SIPA1L3: variants seen among roughly 807,000 people sequenced by gnomAD.
The protein encoded by SIPA1L3 is signal induced proliferation associated 1 like 3, also known as signal-induced proliferation-associated 1-like protein 3.
In SIPA1L3, 59 loss-of-function variants were observed where a neutral mutation model predicts 150.1. The ratio of observed to expected loss-of-function variants is 0.39; its 90% confidence interval spans 0.32 to 0.49. The LOEUF (loss-of-function observed/expected upper bound fraction) is 0.49, where lower values mean the gene tolerates loss of function less well. SIPA1L3 is among the 20% of genes least tolerant of loss of function. The pLI, the probability that SIPA1L3 is intolerant of heterozygous loss-of-function variation, is 0.86. For missense variants in SIPA1L3, 2,211 were observed against 2,489.5 expected (o/e 0.89, Z 2.38); for synonymous variants, 1,070 against 1,077.6 (o/e 0.99, Z 0.14).
chr19:37,980,630 G>A (rs1299314861), intron 1 of SIPA1L3, among the ~76,000 whole-genome samples: 2 of 152,066 alleles, frequency 1.3e-5, no homozygotes, highest in African/African-American at 4.8e-5. Flanking sequence ...GAGGGGGCCC[G>A]TCGAGGCATG....
At chr19:38,064,817 T>A (rs148080650) in intron 2 of SIPA1L3, among the ~76,000 whole-genome samples, 3 of 152,238 alleles carry the variant, frequency 2.0e-5, no homozygotes, top group Non-Finnish European at 4.4e-5. Flanking sequence ...GCTGTATTAT[T>A]ATCTCCATTT....
intron 2 of SIPA1L3, among the ~76,000 whole-genome samples, chr19:38,057,535 T>C (rs972388579): frequency 1.3e-5 from 2 of 151,994 alleles, no homozygotes; most frequent in Non-Finnish European, 2.9e-5. Flanking sequence ...TGTTGCTCAT[T>C]GAGGTTGGGT....
chr19:38,181,458 C>G (rs1020578429), intron 15 of SIPA1L3, among the ~76,000 whole-genome samples: 5 of 151,792 alleles, frequency 3.3e-5, no homozygotes, highest in African/African-American at 9.7e-5. Context: ...ATAGCGAGAC[C>G]TTGTCTCTTT....
At position 38,119,679 on chromosome 19, in the gene SIPA1L3, A is replaced by G. The variant is rs759196575; in HGVS notation, c.2665A>G (p.Ile889Val). 12 of 1,614,052 alleles carry G rather than the reference A, an allele frequency of 7.4e-6. No homozygotes were observed. In the African/African-American group the frequency reaches 1.5e-4, roughly 20 times the overall value. The stretch of plus-strand genomic sequence containing the variant: ...CGCCCAGGGGGTGGAAATCGACTGC[A>G]TTTTGGGAATTTCCAATGAGTTTGT... ...DYAQGVEIDC[I>V]LGISNEFVVL... Residue 889 changes from isoleucine (I) to valine (V), a missense_variant, in exon 9 of 22, where the codon ATT becomes GTT. Physicochemically the swap from Ile to Val is conservative, Grantham distance 29 (BLOSUM62 3). This residue lies in a region of SIPA1L3 where 625 missense variants were observed against 804.2 expected (regional missense o/e 0.78). Coordinates refer to ENST00000222345, the MANE Select transcript of SIPA1L3 (RefSeq NM_015073.3).
intron 1 of SIPA1L3, among the ~76,000 whole-genome samples, chr19:38,011,669 G>A (rs1968101953): frequency 1.3e-5 from 2 of 152,188 alleles, no homozygotes; most frequent in African/African-American, 4.8e-5. Context: ...TGTGGCGGGA[G>A]CATTTGGGTG....
intron 13 of SIPA1L3, among the ~76,000 whole-genome samples, chr19:38,161,520 C>A (rs1464397735): frequency 6.6e-6 from 1 of 151,674 alleles, no homozygotes; most frequent in Non-Finnish European, 1.5e-5. Context: ...GTCAGGAGTT[C>A]GAGACCAGCC....
At chr19:38,134,961 GC>G (rs1971402394) in intron 10 of SIPA1L3, among the ~76,000 whole-genome samples, 1 of 152,156 alleles carries the variant, frequency 6.6e-6, no homozygotes, top group Admixed American at 6.5e-5. Flanking sequence ...GACGATGAGT[GC>G]CATATTCACA....
Position 38,083,032 on chromosome 19 carries a change from C to G in SIPA1L3, c.1467C>G (p.Pro489=). ...PKEQQRTQSR[P]RQYSIEHVDL... Reference sequence around the variant, plus strand: ...AGCAGCAGCGGACGCAGAGTCGGCCCCGGCAGTACAGCATCGAGCATGTGG... The same window carrying G: ...AGCAGCAGCGGACGCAGAGTCGGCCGCGGCAGTACAGCATCGAGCATGTGG... The change falls in exon 3 of 22, where the codon CCC becomes CCG. Residue 489 remains proline, a synonymous_variant. Coordinates refer to ENST00000222345, the MANE Select transcript of SIPA1L3 (RefSeq NM_015073.3). 3.1e-6 allele frequency: 5 copies of G among 1,613,174 alleles called. No homozygotes were observed. The highest frequency in any genetic ancestry group is 4.2e-6 in the Non-Finnish European group (5 of 1,180,028).
At chr19:38,085,402 C>T (rs1970103022) in intron 3 of SIPA1L3, among the ~76,000 whole-genome samples, 1 of 150,844 alleles carries the variant, frequency 6.6e-6, no homozygotes, top group Non-Finnish European at 1.5e-5. Context: ...ATGGCATGAA[C>T]CCGGGAGGCA....
chr19:37,949,178 T>G (rs1234222588), intron 1 of SIPA1L3, among the ~76,000 whole-genome samples: 1 of 152,234 alleles, frequency 6.6e-6, no homozygotes, highest in Non-Finnish European at 1.5e-5. Flanking sequence ...CCATCTCCCA[T>G]CTCTGTCTCT....
At chr19:38,138,972 G>C (rs1159931702) in intron 10 of SIPA1L3, among the ~76,000 whole-genome samples, 3 of 150,090 alleles carry the variant, frequency 2.0e-5, no homozygotes, top group Non-Finnish European at 3.0e-5. Context: ...GAGGAGGACA[G>C]ATTACTTGAG....
At chr19:37,913,021 C>T (rs1017578775) in intron 1 of SIPA1L3, among the ~76,000 whole-genome samples, 3 of 152,076 alleles carry the variant, frequency 2.0e-5, no homozygotes, top group Admixed American at 6.6e-5. Flanking sequence ...CTCATATTTG[C>T]GAGAAGTGTG....
At chr19:38,142,062 G>A (rs73627608) in intron 11 of SIPA1L3, among the ~76,000 whole-genome samples, 10,126 of 152,240 alleles carry the variant, frequency 0.067, 991 homozygotes, top group African/African-American at 0.21. Flanking sequence ...TCCTGGAGGA[G>A]GCAGGGAAAT....
chr19:38,082,719 C>G lies in SIPA1L3; in HGVS notation c.1154C>G (p.Thr385Arg). Residue 385 changes from threonine to arginine, a missense_variant, in exon 3 of 22, where the codon ACG (threonine) becomes AGG (arginine). Physicochemically the swap from Thr to Arg is moderately conservative, Grantham distance 71 (BLOSUM62 -1). Coordinates refer to ENST00000222345, the MANE Select transcript of SIPA1L3 (RefSeq NM_015073.3). ...ASAASAMASL[T>R]ASRAHSLGGL... ...GCCGCCTCGGCCATGGCCTCCCTCACGGCCTCGCGGGCCCACAGCCTCGGA... is the reference window on the plus strand; with the variant it reads ...GCCGCCTCGGCCATGGCCTCCCTCAGGGCCTCGCGGGCCCACAGCCTCGGA... The G allele has an allele frequency of 6.2e-7, 1 of 1,611,748 alleles. No homozygotes were observed. The highest frequency in any genetic ancestry group is 8.5e-7 in the Non-Finnish European group (1 of 1,179,488).
At chr19:38,070,191 C>CCTATCTATCTATCTAT (rs10546386) in intron 2 of SIPA1L3, among the ~76,000 whole-genome samples, 13,399 of 148,768 alleles carry the variant, frequency 0.09, 874 homozygotes, top group African/African-American at 0.17. Flanking sequence ...GATCTTCAGT[C>CCTATCTATCTATCTAT]CTATCTATCT....
intron 1 of SIPA1L3, among the ~76,000 whole-genome samples, chr19:38,019,115 C>G (rs2145697294): frequency 6.6e-6 from 1 of 152,284 alleles, no homozygotes; most frequent in South Asian, 2.1e-4. Context: ...ATCTGCTATG[C>G]AAGACTACCG....
intron 21 of SIPA1L3, among the ~76,000 whole-genome samples, chr19:38,205,825 A>C (rs925837712): frequency 1.3e-5 from 2 of 152,224 alleles, no homozygotes; most frequent in African/African-American, 4.8e-5. Context: ...TTGTCAAGCG[A>C]TGACTCCACA....
At chr19:37,995,863 C>T (rs867586705) in intron 1 of SIPA1L3, among the ~76,000 whole-genome samples, 18 of 152,112 alleles carry the variant, frequency 1.2e-4, no homozygotes, top group Non-Finnish European at 2.1e-4. Context: ...AGGCTGGAGT[C>T]GGGCAGATCC....
At chr19:38,061,560 C>T (rs1348621510) in intron 2 of SIPA1L3, among the ~76,000 whole-genome samples, 1 of 151,940 alleles carries the variant, frequency 6.6e-6, no homozygotes, top group Non-Finnish European at 1.5e-5. Flanking sequence ...AGGGCCCTGG[C>T]CATCTGTGTG....
Sources: gnomAD v4.1 joint callset for allele counts (sites outside exome capture counted in the v4.1 genomes callset) on GRCh38, gnomAD v4.1.1 for gene constraint, gnomAD v4.1.1 regional missense constraint, MANE v1.5 for transcripts, NCBI Gene and HGNC (gene_info 2026-07-23, HGNC 2026-07-21) for gene names.